Variants in ABCG1 observed in about 807,000 individuals in gnomAD.
ABCG1 encodes ATP-binding cassette sub-family G member 1.
Under a neutral mutation model 69.2 loss-of-function variants are expected in ABCG1, and 29 were observed. The ratio of observed to expected loss-of-function variants is 0.42; its 90% CI spans 0.31 to 0.57. The LOEUF is 0.57. Ranked by LOEUF, ABCG1 falls within the 20% of genes least tolerant of loss-of-function variation. The probability of loss-of-function intolerance (pLI) is 0.15; values close to 1 mark genes in which losing one functional copy is unlikely to be tolerated. For missense variants in ABCG1, 718 were observed against 898.1 expected, an observed-to-expected ratio of 0.80 and a Z score of 2.56; for synonymous variants, 370 against 374.8, an observed-to-expected ratio of 0.99 and a Z score of 0.15.
intron 5 of ABCG1, 120 bp from the exon 6 acceptor site, chr21:42,282,154 T>C: frequency 7.2e-7 from 1 of 1,398,508 alleles, no homozygotes; most frequent in African/African-American, 1.4e-5. Context: ...GGCCTCCACG[T>C]GGGCCAGGCA....
In ABCG1 at chr21:42,291,835, G is replaced by T. The variant is rs554998706; in HGVS notation, c.1653+179G>T. Among the ~76,000 whole-genome samples, 1 of 152,302 alleles carries T rather than the reference G, an allele frequency of 6.6e-6. No individual in the cohort carries two copies. Among genetic ancestry groups the T allele is most frequent in the South Asian group, 2.1e-4 (1 of 4,832 alleles). On this transcript the variant is annotated intron_variant, in intron 13 of 14. Transcript: ENST00000398449. The surrounding 1 kb of genome is among the most constrained non-coding windows in gnomAD (Gnocchi z 6.4). ...GGGTCAGGATCAGCTGGCTTCCACA[G>T]TGCGCACAGCGGGCAGCCTCACGTG...
At chr21:42,217,982 GACA>G (rs2067661034), upstream of ABCG1, among the ~76,000 whole-genome samples, 1 of 152,096 alleles carries the variant, frequency 6.6e-6, no homozygotes. Flanking sequence ...TGACTCTTGA[GACA>G]ACACCATTCA....
intron 2 of ABCG1, chr21:42,201,737 A>G: frequency 1.2e-6 from 2 of 1,613,808 alleles, no homozygotes; most frequent in Admixed American, 1.7e-5. Context: ...TGGTCAGAAG[A>G]GACAGGGAAG....
chr21:42,236,828 A>T (rs933672581), intron 2 of ABCG1, among the ~76,000 whole-genome samples: 12 of 152,242 alleles, frequency 7.9e-5, no homozygotes, highest in East Asian at 7.7e-4. Flanking sequence ...AACAGTAAGG[A>T]TGAGTGTCAC....
At chr21:42,249,248 G>A (rs1279010879) in intron 2 of ABCG1, among the ~76,000 whole-genome samples, 1 of 152,034 alleles carries the variant, frequency 6.6e-6, no homozygotes, top group African/African-American at 2.4e-5. Flanking sequence ...GGGGTGTGTT[G>A]CTGAGATTAC....
At chr21:42,215,814 G>A (rs1030581596), upstream of ABCG1, among the ~76,000 whole-genome samples, 2 of 152,242 alleles carry the variant, frequency 1.3e-5, no homozygotes, top group African/African-American at 4.8e-5. Flanking sequence ...TTGCTATGGT[G>A]TGCAGAGCAG....
At position 42,283,352 on chromosome 21, in the gene ABCG1, G is replaced by C. The variant is rs529359516; in HGVS notation, c.734+933G>C. On this transcript the variant is annotated intron_variant, in intron 6 of 14. Coordinates refer to ENST00000398449, the MANE Select transcript of ABCG1 (RefSeq NM_016818.3). ...TTGCAGGCTGAATGCCCTGAGATGG[G>C]TGGGCTCCGGGGGACTGCCCAACAC... is the stretch of plus-strand genomic sequence containing the variant. 1.9e-3 allele frequency among the ~76,000 whole-genome samples: 289 copies of C among 152,330 alleles called. 1 individual carries two copies. Among genetic ancestry groups the C allele is most frequent in the Non-Finnish European group, 3.3e-3 (223 of 68,024 alleles).
At chr21:42,282,755 C>T (rs947985981) in intron 6 of ABCG1, among the ~76,000 whole-genome samples, 6 of 152,222 alleles carry the variant, frequency 3.9e-5, no homozygotes, top group Non-Finnish European at 7.3e-5. Context: ...ACCTGGGAAA[C>T]GGTGTGTCTT....
intron 2 of ABCG1, among the ~76,000 whole-genome samples, chr21:42,268,635 T>C (rs1000972124): frequency 1.3e-5 from 2 of 152,220 alleles, no homozygotes; most frequent in African/African-American, 4.8e-5. Context: ...AAGTTTCTAA[T>C]ATTAGAGAAG....
chr21:42,245,951 T>C (rs1479830101), intron 2 of ABCG1, among the ~76,000 whole-genome samples: 1 of 152,134 alleles, frequency 6.6e-6, no homozygotes, highest in African/African-American at 2.4e-5. Context: ...CCGGCTTCCC[T>C]TCTTCCTCGG....
chr21:42,275,758 C>T (rs936905432), intron 4 of ABCG1, among the ~76,000 whole-genome samples: 1 of 152,196 alleles, frequency 6.6e-6, no homozygotes, highest in Non-Finnish European at 1.5e-5. Context: ...TTCATGAGGC[C>T]CTGGAGAAAT....
chr21:42,260,658 C>T (rs964216807), intron 2 of ABCG1, among the ~76,000 whole-genome samples: 1 of 152,124 alleles, frequency 6.6e-6, no homozygotes, highest in Non-Finnish European at 1.5e-5. Flanking sequence ...CCAAGCAGCT[C>T]CTGCCAAGGA....
rs2068729701 is a variant in ABCG1 at position 42,277,387 on chromosome 21, CT to C, written c.588+444del. The stretch of plus-strand genomic sequence containing the variant: ...TACACTTGCAAGAAGAAATTTAGTT[CT>C]TACATGTTATTAACCGGCCTCTTAA... On this transcript the variant is annotated intron_variant, in intron 5 of 14. Coordinates refer to ENST00000398449, the MANE Select transcript of ABCG1 (RefSeq NM_016818.3). Among the ~76,000 whole-genome samples the C allele has an allele frequency of 2.0e-5, 3 of 152,304 alleles. No individual in the cohort carries two copies. In the South Asian group the frequency reaches 6.2e-4, roughly 32 times the overall value.
chr21:42,278,985 C>T lies in ABCG1; in HGVS notation c.588+2040C>T, dbSNP rs566045190. Among the ~76,000 whole-genome samples the T allele has an allele frequency of 2.6e-5, 4 of 152,156 alleles. No individual in the cohort carries two copies. The South Asian group carries it at 8.3e-4, about 32-fold the overall frequency. On this transcript the variant is annotated intron_variant, in intron 5 of 14. Transcript: ENST00000398449. ...CCCATGAAGCAGAGGCTTTTCCACCCGGAGACTCAAGAAGCTGCTCCTCCC... is the reference window on the plus strand; with the variant it reads ...CCCATGAAGCAGAGGCTTTTCCACCTGGAGACTCAAGAAGCTGCTCCTCCC...
intron 2 of ABCG1, among the ~76,000 whole-genome samples, chr21:42,262,663 C>T (rs2068433320): frequency 6.6e-6 from 1 of 152,228 alleles, no homozygotes; most frequent in African/African-American, 2.4e-5. Context: ...AACCGCTCTG[C>T]GGGGCCTGGC....
At chr21:42,294,309 G>A (rs1269886565) in intron 13 of ABCG1, among the ~76,000 whole-genome samples, 4 of 152,312 alleles carry the variant, frequency 2.6e-5, no homozygotes, top group Non-Finnish European at 5.9e-5. Context: ...GCTCATCCTG[G>A]GCTGCAGGAG....
At chr21:42,274,832 T>C (rs1325759714) in intron 4 of ABCG1, among the ~76,000 whole-genome samples, 2 of 152,084 alleles carry the variant, frequency 1.3e-5, no homozygotes, top group Non-Finnish European at 2.9e-5. Context: ...CAGACCTAAC[T>C]GTGAGCAGAG....
Position 42,290,107 on chromosome 21 carries a change from C to T in ABCG1, c.1282C>T (p.Leu428=). 6.2e-7 allele frequency: 1 copy of T among 1,614,232 alleles called. No homozygotes were observed. ...HIGIGLLIGL[L]YLGIGNEAKK... ...TGGGATCGGCCTCCTCATTGGCCTGCTGTACTTGGGGATCGGGAACGAAGC... is the reference window on the plus strand; with the variant it reads ...TGGGATCGGCCTCCTCATTGGCCTGTTGTACTTGGGGATCGGGAACGAAGC... The change falls in exon 11 of 15, where the codon CTG becomes TTG. Residue 428 remains leucine (L), a synonymous_variant. Transcript: ENST00000398449.
At chr21:42,259,871 G>A in intron 2 of ABCG1, 2 of 1,437,588 alleles carry the variant, frequency 1.4e-6, no homozygotes, top group South Asian at 3.0e-5. Context: ...GAGGCCAATG[G>A]CAAAGGAGCA....
Sources: allele counts gnomAD v4.1 joint callset (sites outside exome capture counted in the v4.1 genomes callset), GRCh38; gene constraint gnomAD v4.1.1; non-coding constraint Gnocchi (gnomAD v3.1); transcripts MANE v1.5; gene names NCBI Gene and HGNC (gene_info 2026-07-23, HGNC 2026-07-21).